The following NRXN1 variants were observed in gnomAD, a reference collection of about 807,000 sequenced individuals.
The protein encoded by NRXN1 is neurexin-1.
In NRXN1, 39 loss-of-function variants were observed where a neutral mutation model predicts 150.9. That is an observed-to-expected ratio of 0.26 (90% CI 0.20 to 0.34). The LOEUF is 0.34. Ranked by LOEUF, NRXN1 falls within the 10% of genes least tolerant of loss-of-function variation. The pLI is 1.00. For missense variants in NRXN1, 1,815 were observed against 1,949.9 expected (o/e 0.93, Z 1.30); for synonymous variants, 924 against 757.0 (o/e 1.22, Z -3.62).
At chr2:50,035,312 G>T (rs898537912) in intron 21 of NRXN1, among the ~76,000 whole-genome samples, 4 of 151,994 alleles carry the variant, frequency 2.6e-5, no homozygotes, top group African/African-American at 9.7e-5. Flanking sequence ...TTACAAGCTA[G>T]ATTTTTCCTT....
intron 18 of NRXN1, among the ~76,000 whole-genome samples, chr2:50,224,165 G>A (rs1201162915): frequency 6.6e-6 from 1 of 151,962 alleles, no homozygotes; most frequent in Non-Finnish European, 1.5e-5. Flanking sequence ...TTTCACATCA[G>A]TAGTTGGGAT....
intron 5 of NRXN1, among the ~76,000 whole-genome samples, chr2:50,872,324 G>A (rs188367192): frequency 3.3e-5 from 5 of 151,842 alleles, no homozygotes; most frequent in Admixed American, 1.3e-4. Context: ...CCTACACAAG[G>A]GCCCATCCAT....
chr2:50,359,689 A>G (rs1179796243), intron 17 of NRXN1, among the ~76,000 whole-genome samples: 1 of 152,116 alleles, frequency 6.6e-6, no homozygotes, highest in African/African-American at 2.4e-5. Context: ...ACACTTCAGG[A>G]TATTATCCAG....
At chr2:50,826,366 C>G (rs972304211) in intron 5 of NRXN1, among the ~76,000 whole-genome samples, 2 of 152,032 alleles carry the variant, frequency 1.3e-5, no homozygotes, top group Non-Finnish European at 2.9e-5. Flanking sequence ...CAGGTAAAGC[C>G]AATGAGCCAG....
At chr2:50,404,175 T>TTTGTTGTTG (rs147734893) in intron 17 of NRXN1, among the ~76,000 whole-genome samples, 96 of 151,606 alleles carry the variant, frequency 6.3e-4, no homozygotes, top group African/African-American at 2.3e-3. Flanking sequence ...TTTGTTTTGT[T>TTTGTTGTTG]TTGTTGTTGT....
At position 50,073,865 on chromosome 2, in the gene NRXN1, G is replaced by A. The variant is rs1466609784; in HGVS notation, c.3718+17458C>T. ...TGCACTATTAGTTTGATATTTTATCGAGAAAGAAGCAACATGAAGAAAAAT... is the reference window on the plus strand; with the variant it reads ...TGCACTATTAGTTTGATATTTTATCAAGAAAGAAGCAACATGAAGAAAAAT... On this transcript the variant is annotated intron_variant, in intron 19 of 22. Transcript: ENST00000401669. 6.6e-5 allele frequency among the ~76,000 whole-genome samples: 10 copies of A among 152,184 alleles called. No homozygotes were observed. In the South Asian group the frequency reaches 1.0e-3, roughly 16 times the overall value.
At chr2:50,743,625 C>A (rs1699695088) in intron 5 of NRXN1, among the ~76,000 whole-genome samples, 1 of 152,156 alleles carries the variant, frequency 6.6e-6, no homozygotes, top group Non-Finnish European at 1.5e-5. Flanking sequence ...GTTAATTTGA[C>A]AAATGTCAAA....
intron 17 of NRXN1, among the ~76,000 whole-genome samples, chr2:50,355,673 A>T (rs1276679041): frequency 2.0e-5 from 3 of 152,112 alleles, no homozygotes; most frequent in Admixed American, 2.0e-4. Context: ...GTTAATATAT[A>T]TTTCCCCATT....
At chr2:50,213,401 G>C (rs867025135) in intron 18 of NRXN1, among the ~76,000 whole-genome samples, 2 of 151,954 alleles carry the variant, frequency 1.3e-5, no homozygotes, top group Admixed American at 1.3e-4. Flanking sequence ...AGAAAAAATT[G>C]GGATGAATAT....
chr2:50,586,110 T>C (rs1175727148), intron 8 of NRXN1, among the ~76,000 whole-genome samples: 1 of 152,188 alleles, frequency 6.6e-6, no homozygotes. Context: ...ATTTGCTCCA[T>C]CTACATTAGC....
intron 5 of NRXN1, among the ~76,000 whole-genome samples, chr2:50,642,366 A>G (rs1325477631): frequency 1.3e-5 from 2 of 152,114 alleles, no homozygotes; most frequent in Admixed American, 1.3e-4. Flanking sequence ...CTTAGATAAC[A>G]TCTTGAAAGA....
chr2:50,835,969 C>T (rs1285002935), intron 5 of NRXN1, among the ~76,000 whole-genome samples: 2 of 152,086 alleles, frequency 1.3e-5, no homozygotes, highest in African/African-American at 4.8e-5. Context: ...ATAAAGACAC[C>T]TTTTAATTAG....
intron 17 of NRXN1, among the ~76,000 whole-genome samples, chr2:50,288,653 T>C (rs990141569): frequency 2.4e-4 from 37 of 152,036 alleles, no homozygotes; most frequent in Non-Finnish European, 5.0e-4. Context: ...AGAGAGAACA[T>C]GCAGGGAACT....
intron 22 of NRXN1, among the ~76,000 whole-genome samples, chr2:49,934,739 G>A (rs1670713062): frequency 6.6e-6 from 1 of 152,090 alleles, no homozygotes; most frequent in Non-Finnish European, 1.5e-5. Flanking sequence ...GTCTTAGGAA[G>A]GAAGCAGGAA....
At chr2:50,057,875 G>C (rs1221466942) in intron 19 of NRXN1, among the ~76,000 whole-genome samples, 1 of 152,040 alleles carries the variant, frequency 6.6e-6, no homozygotes, top group African/African-American at 2.4e-5. Context: ...AATTGTCACT[G>C]ATTTGAACAT....
At chr2:50,165,867 T>G (rs1246744813) in intron 18 of NRXN1, among the ~76,000 whole-genome samples, 1 of 152,184 alleles carries the variant, frequency 6.6e-6, no homozygotes, top group Non-Finnish European at 1.5e-5. Context: ...CTTACTATAT[T>G]ATATATATTC....
intron 22 of NRXN1, among the ~76,000 whole-genome samples, chr2:49,937,984 T>C (rs1377754720): frequency 2.6e-5 from 4 of 152,148 alleles, no homozygotes; most frequent in African/African-American, 9.7e-5. Flanking sequence ...TGAATAGAAA[T>C]CCCTTGACCT....
At chr2:50,025,697 A>T (rs892900809) in intron 21 of NRXN1, among the ~76,000 whole-genome samples, 4 of 152,324 alleles carry the variant, frequency 2.6e-5, no homozygotes, top group Admixed American at 1.3e-4. Context: ...TAGTGCCAGG[A>T]ATGTTGCATG....
chr2:50,713,616 C>A (rs1245058043), intron 5 of NRXN1, among the ~76,000 whole-genome samples: 1 of 152,122 alleles, frequency 6.6e-6, no homozygotes, highest in Non-Finnish European at 1.5e-5. Flanking sequence ...GTCCCTTCTA[C>A]TTCCACTTGA....
Sources: allele counts gnomAD v4.1 joint callset (sites outside exome capture counted in the v4.1 genomes callset), GRCh38; gene constraint gnomAD v4.1.1; transcripts MANE v1.5; gene names NCBI Gene and HGNC (gene_info 2026-07-23, HGNC 2026-07-21).